SEMA6D: variants seen among roughly 807,000 people sequenced by gnomAD.
SEMA6D encodes semaphorin 6D.
In SEMA6D, 35 loss-of-function variants were observed where a neutral mutation model predicts 106.6. That is an observed-to-expected ratio of 0.33 (90% CI 0.25 to 0.44). SEMA6D has a LOEUF of 0.44. Ranked by LOEUF, SEMA6D falls within the 20% of genes least tolerant of loss-of-function variation. The probability of loss-of-function intolerance (pLI) is 1.00; values close to 1 mark genes in which losing one functional copy is unlikely to be tolerated. For missense variants in SEMA6D, 1,185 were observed against 1,345.9 expected, an observed-to-expected ratio of 0.88 and a Z score of 1.87; for synonymous variants, 499 against 487.7, an observed-to-expected ratio of 1.02 and a Z score of -0.31.
At chr15:47,411,514 A>G (rs1258806023) in intron 1 of SEMA6D, among the ~76,000 whole-genome samples, 6 of 152,184 alleles carry the variant, frequency 3.9e-5, no homozygotes, top group African/African-American at 1.4e-4. Context: ...TATAAAACTT[A>G]TATCTCCTCT....
At chr15:47,696,485 G>A (rs964492518) in intron 4 of SEMA6D, among the ~76,000 whole-genome samples, 5 of 152,124 alleles carry the variant, frequency 3.3e-5, no homozygotes, top group African/African-American at 1.2e-4. Flanking sequence ...GGAGAGAGAG[G>A]GCCCCTCCAT....
intron 1 of SEMA6D, among the ~76,000 whole-genome samples, chr15:47,345,261 A>G (rs2037998959): frequency 6.6e-6 from 1 of 152,328 alleles, no homozygotes; most frequent in Non-Finnish European, 1.5e-5. Context: ...CTAAAATGAT[A>G]AAATGGTTTT....
chr15:47,387,496 C>A (rs1006867453), intron 1 of SEMA6D, among the ~76,000 whole-genome samples: 1 of 152,176 alleles, frequency 6.6e-6, no homozygotes, highest in Non-Finnish European at 1.5e-5. Context: ...ATAATACCAA[C>A]TTCATGAAAT....
At chr15:47,762,954 C>A in intron 8 of SEMA6D, 62 bp from the exon 9 acceptor site, 4 of 1,215,756 alleles carry the variant, frequency 3.3e-6, no homozygotes, top group South Asian at 2.7e-5. Context: ...GCTTTGCAGT[C>A]GGGGTCTTAT....
At chr15:47,584,028 C>T (rs1373017999) in intron 3 of SEMA6D, among the ~76,000 whole-genome samples, 1 of 152,230 alleles carries the variant, frequency 6.6e-6, no homozygotes, top group African/African-American at 2.4e-5. Flanking sequence ...TCATTATCAC[C>T]TGCCCTTGCC....
chr15:47,664,343 A>G (rs868138641), intron 4 of SEMA6D, among the ~76,000 whole-genome samples: 1 of 152,208 alleles, frequency 6.6e-6, no homozygotes, highest in South Asian at 2.1e-4. Context: ...CTCTGTTTAT[A>G]GAATATTTAA....
chr15:47,671,673 G>A (rs76458013), intron 4 of SEMA6D, among the ~76,000 whole-genome samples: 2,556 of 152,266 alleles, frequency 0.017, 28 homozygotes, highest in Non-Finnish European at 0.026. Context: ...GGATTGAAAT[G>A]GGAAAAGTTT....
intron 1 of SEMA6D, among the ~76,000 whole-genome samples, chr15:47,726,769 T>C (rs951105591): frequency 1.3e-5 from 2 of 152,260 alleles, no homozygotes; most frequent in African/African-American, 4.8e-5. Context: ...TATATCAGTG[T>C]CTGTTAAATA....
chr15:47,207,974 A>G (rs1333256950), intron 1 of SEMA6D, among the ~76,000 whole-genome samples: 1 of 145,722 alleles, frequency 6.9e-6, no homozygotes, highest in African/African-American at 2.6e-5. Context: ...AAACAGGTAC[A>G]GTAGCCACTG....
intron 4 of SEMA6D, among the ~76,000 whole-genome samples, chr15:47,645,886 G>A (rs1005626332): frequency 6.6e-6 from 1 of 152,178 alleles, no homozygotes; most frequent in East Asian, 1.9e-4. Context: ...GGAGACTAGA[G>A]AGGACACAGG....
At position 47,254,253 on chromosome 15, in the gene SEMA6D, T is replaced by TTA. The variant is rs565416296; in HGVS notation, c.-239+69848_-239+69849dup. ...ATAGTTTTTGGTGAAGTCTTTGAGA[T>TTA]TATATATATATATACACACACATAT... On this transcript the variant is annotated intron_variant, in intron 1 of 19. Coordinates refer to the SEMA6D transcript ENST00000558014. Among the ~76,000 whole-genome samples, 1,008 of 148,114 alleles carry TTA rather than the reference T, an allele frequency of 6.8e-3. 10 individuals carry two copies. The highest frequency in any genetic ancestry group is 0.024 in the African/African-American group (958 of 40,744).
chr15:47,215,127 G>A lies in SEMA6D; in HGVS notation c.-239+30709G>A, dbSNP rs554399140. On this transcript the variant is annotated intron_variant, in intron 1 of 19. Transcript: ENST00000558014. The stretch of plus-strand genomic sequence containing the variant: ...AATTGGAATGGTATTCTTTTTGATG[G>A]ACAATTCAATTGCATTTAAATTCAA... 4.8e-5 allele frequency among the ~76,000 whole-genome samples: 3 copies of A among 62,066 alleles called. No individual in the cohort carries two copies. The South Asian group carries it at 1.1e-3, about 23-fold the overall frequency. 40.7% of individuals were successfully genotyped at this position (62,066 alleles called of 152,430 possible).
At chr15:47,744,593 T>C (rs1309479842) in intron 1 of SEMA6D, among the ~76,000 whole-genome samples, 1 of 152,134 alleles carries the variant, frequency 6.6e-6, no homozygotes, top group African/African-American at 2.4e-5. Flanking sequence ...CCTCTGCCAT[T>C]TCATCTGGGA....
chr15:47,322,384 A>G (rs1290521490), intron 1 of SEMA6D, among the ~76,000 whole-genome samples: 3 of 149,012 alleles, frequency 2.0e-5, no homozygotes, highest in Non-Finnish European at 4.4e-5. Context: ...GACAGTTCCT[A>G]TTTCTTCCAT....
At chr15:47,424,316 C>T (rs1200027506) in intron 2 of SEMA6D, among the ~76,000 whole-genome samples, 1 of 151,142 alleles carries the variant, frequency 6.6e-6, no homozygotes, top group Non-Finnish European at 1.5e-5. Context: ...ATATACAGAG[C>T]CGTAAGATAT....
At chr15:47,311,794 T>A (rs1378668376) in intron 1 of SEMA6D, among the ~76,000 whole-genome samples, 1 of 152,152 alleles carries the variant, frequency 6.6e-6, no homozygotes, top group African/African-American at 2.4e-5. Flanking sequence ...ATGGGAAATC[T>A]CTTTCGGTGA....
intron 1 of SEMA6D, among the ~76,000 whole-genome samples, chr15:47,290,363 A>G (rs1022401818): frequency 6.6e-6 from 1 of 152,288 alleles, no homozygotes; most frequent in Admixed American, 6.5e-5. Context: ...AATTACTTCC[A>G]ACACTTCCAT....
At chr15:47,387,502 G>T (rs1210834841) in intron 1 of SEMA6D, among the ~76,000 whole-genome samples, 1 of 152,154 alleles carries the variant, frequency 6.6e-6, no homozygotes, top group African/African-American at 2.4e-5. Flanking sequence ...CCAACTTCAT[G>T]AAATTGTTGT....
chr15:47,190,349 G>T (rs558030215), intron 1 of SEMA6D, among the ~76,000 whole-genome samples: 1 of 152,312 alleles, frequency 6.6e-6, no homozygotes, highest in East Asian at 1.9e-4. Flanking sequence ...GAGGAAACTT[G>T]AAAATTTACC....
Sources: gnomAD v4.1 joint callset for allele counts (sites outside exome capture counted in the v4.1 genomes callset) on GRCh38, gnomAD v4.1.1 for gene constraint, MANE v1.5 for transcripts, NCBI Gene and HGNC (gene_info 2026-07-23, HGNC 2026-07-21) for gene names.